TRDMT1: variants seen among roughly 807,000 people sequenced by gnomAD.
The protein encoded by TRDMT1 is tRNA (cytosine(38)-C(5))-methyltransferase.
In TRDMT1, 49 loss-of-function variants were observed where a neutral mutation model predicts 51.2. The ratio of observed to expected loss-of-function variants is 0.96; its 90% confidence interval spans 0.76 to 1.21. TRDMT1 has a LOEUF of 1.21. Ranked by LOEUF, TRDMT1 falls within the 50% of genes most tolerant of loss-of-function variation. TRDMT1 has a pLI of 0.00. For synonymous variants in TRDMT1, 187 were observed against 164.6 expected (o/e 1.14, Z -1.04); for missense variants, 534 against 462.3 (o/e 1.16, Z -1.42).
intron 1 of TRDMT1, among the ~76,000 whole-genome samples, chr10:17,195,440 C>A (rs991585158): frequency 6.6e-6 from 1 of 152,030 alleles, no homozygotes. Flanking sequence ...ACAATAGACA[C>A]CGGGGACTAC....
At chr10:17,156,375 C>A (rs1419492461) in intron 8 of TRDMT1, among the ~76,000 whole-genome samples, 1 of 152,002 alleles carries the variant, frequency 6.6e-6, no homozygotes, top group Admixed American at 6.6e-5. Context: ...GCTGGGAATG[C>A]AGGCACCCAC....
intron 8 of TRDMT1, 26 bp from the exon 9 acceptor site, chr10:17,154,760 C>T: frequency 6.3e-7 from 1 of 1,588,940 alleles, no homozygotes; most frequent in Non-Finnish European, 8.6e-7. Flanking sequence ...AACAATTATG[C>T]AGCACCTGAT....
At chr10:17,155,399 T>C (rs899179021) in intron 8 of TRDMT1, among the ~76,000 whole-genome samples, 2 of 152,172 alleles carry the variant, frequency 1.3e-5, no homozygotes, top group Non-Finnish European at 2.9e-5. Flanking sequence ...TTGGCTCCCT[T>C]GCCACATTAA....
chr10:17,179,208 T>C (rs1428193660), intron 1 of TRDMT1, among the ~76,000 whole-genome samples: 1 of 152,182 alleles, frequency 6.6e-6, no homozygotes, highest in Non-Finnish European at 1.5e-5. Flanking sequence ...TAAAGTCATG[T>C]TGATGTCATG....
At position 17,199,649 on chromosome 10, in the gene TRDMT1, T is replaced by C. The variant is rs116052168; in HGVS notation, c.64+1922A>G. Among the ~76,000 whole-genome samples the C allele has an allele frequency of 2.4e-3, 360 of 152,326 alleles. 2 individuals carry two copies. Among genetic ancestry groups the C allele is most frequent in the African/African-American group, 8.2e-3 (342 of 41,570 alleles). ...ACTCACAAGCCTGTTAAGATGGGACTGTGATTACAATCTCAAAAGCAACCA... is the reference window on the plus strand; with the variant it reads ...ACTCACAAGCCTGTTAAGATGGGACCGTGATTACAATCTCAAAAGCAACCA... On this transcript the variant is annotated intron_variant, in intron 1 of 10. Coordinates refer to ENST00000377799, the MANE Select transcript of TRDMT1 (RefSeq NM_004412.7).
At position 17,148,847 on chromosome 10, in the gene TRDMT1, G is replaced by A. The variant is rs557007108; in HGVS notation, c.*193C>T. On this transcript the variant is annotated 3_prime_UTR_variant, in exon 11 of 11. Coordinates refer to ENST00000377799, the MANE Select transcript of TRDMT1 (RefSeq NM_004412.7). ...TCTCCATAAAGCATAACAATAGTTCGTATTTTATAAAATACAGTAATATAA... is the reference window on the plus strand; with the variant it reads ...TCTCCATAAAGCATAACAATAGTTCATATTTTATAAAATACAGTAATATAA... 3.1e-5 allele frequency: 37 copies of A among 1,178,750 alleles called. No individual in the cohort carries two copies. Among genetic ancestry groups the A allele is most frequent in the African/African-American group, 2.2e-4 (14 of 63,524 alleles). 73.0% of individuals were successfully genotyped at this position (1,178,750 alleles called of 1,614,324 possible).
At chr10:17,186,831 G>A (rs1844000916) in intron 1 of TRDMT1, among the ~76,000 whole-genome samples, 1 of 152,102 alleles carries the variant, frequency 6.6e-6, no homozygotes, top group Admixed American at 6.5e-5. Flanking sequence ...TTCATAAAGT[G>A]GAGTATGATA....
chr10:17,143,165 G>A lies in TRDMT1; in HGVS notation c.*5875C>T. The A allele has an allele frequency of 1.0e-6, 1 of 985,424 alleles. No individual in the cohort carries two copies. The highest frequency in any genetic ancestry group is 1.2e-6 in the Non-Finnish European group (1 of 829,930). 61.0% of individuals were successfully genotyped at this position (985,424 alleles called of 1,614,324 possible). A position where few individuals can be genotyped will look rare whatever the true frequency, so the allele number is the denominator to read the frequency against. ...AGAGAACAACTTAAAGACATTGTTTGAACTCCACAGTGTGGTGCTTTCTAT... is the reference window on the plus strand; with the variant it reads ...AGAGAACAACTTAAAGACATTGTTTAAACTCCACAGTGTGGTGCTTTCTAT... On this transcript the variant is annotated 3_prime_UTR_variant, in exon 11 of 11. Coordinates refer to ENST00000377799, the MANE Select transcript of TRDMT1 (RefSeq NM_004412.7).
chr10:17,170,667 C>T (rs1235483055), intron 2 of TRDMT1, among the ~76,000 whole-genome samples: 5 of 152,174 alleles, frequency 3.3e-5, no homozygotes, highest in Non-Finnish European at 7.3e-5. Flanking sequence ...AATATTTTTA[C>T]AATATTCAGC....
rs1210930005 is a variant in TRDMT1 at position 17,137,853 on chromosome 10, G to T, written c.*11187C>A. Among the ~76,000 whole-genome samples the T allele has an allele frequency of 6.6e-6, 1 of 152,014 alleles. No homozygotes were observed. Among genetic ancestry groups the T allele is most frequent in the South Asian group, 2.1e-4 (1 of 4,812 alleles). The stretch of plus-strand genomic sequence containing the variant: ...AAAAAAAAAAGAAAAAAAAAAAAAG[G>T]TTGTTCCACTTGTCCAGCAGGGTGA... On this transcript the variant is annotated 3_prime_UTR_variant, in exon 11 of 11. Coordinates refer to ENST00000377799, the MANE Select transcript of TRDMT1 (RefSeq NM_004412.7).
In TRDMT1 at chr10:17,149,002, G is replaced by A. The variant is rs1487690150; in HGVS notation, c.*38C>T. 6.5e-7 allele frequency: 1 copy of A among 1,527,932 alleles called. No individual in the cohort carries two copies. Among genetic ancestry groups the A allele is most frequent in the South Asian group, 1.3e-5 (1 of 78,420 alleles). The allele number at this position is 1,527,932 out of a possible 1,614,324, so 94.6% of individuals were successfully genotyped here. On this transcript the variant is annotated 3_prime_UTR_variant, in exon 11 of 11. Transcript: ENST00000377799. ...TTCAGAATTACTCTCTGAAAATGAA[G>A]GAATATCATATGACCATCTTTCAGA...
At chr10:17,149,611 CA>C (rs921650472) in intron 10 of TRDMT1, among the ~76,000 whole-genome samples, 18 of 151,546 alleles carry the variant, frequency 1.2e-4, no homozygotes, top group African/African-American at 3.4e-4. Flanking sequence ...TTCATTTCTT[CA>C]AAAAAAAATT....
intron 1 of TRDMT1, among the ~76,000 whole-genome samples, chr10:17,187,152 C>G (rs1261649086): frequency 2.0e-5 from 3 of 152,096 alleles, no homozygotes; most frequent in Non-Finnish European, 2.9e-5. Context: ...CCATACAACA[C>G]AGTAAGCAAC....
rs1838323574 is a variant in TRDMT1, at chr10:17,148,679, T to C, written c.*361A>G. 1 of 973,544 alleles carries C rather than the reference T, an allele frequency of 1.0e-6. No homozygotes were observed. Among genetic ancestry groups the C allele is most frequent in the Non-Finnish European group, 1.2e-6 (1 of 818,700 alleles). The allele number at this position is 973,544 out of a possible 1,614,324, so 60.3% of individuals were successfully genotyped here. ...AAATAAAAAACTTCTTTAATTAACA[T>C]AAAAATATGTTATGCCTGTTATGAC... On this transcript the variant is annotated 3_prime_UTR_variant, in exon 11 of 11. Coordinates refer to ENST00000377799, the MANE Select transcript of TRDMT1 (RefSeq NM_004412.7).
rs556685625 is a variant in TRDMT1 at position 17,151,540 on chromosome 10, C to T, written c.1075+1967G>A. 467 of 985,262 alleles carry T rather than the reference C, an allele frequency of 4.7e-4. 2 individuals carry two copies. Among genetic ancestry groups the T allele is most frequent in the Non-Finnish European group, 5.3e-4 (442 of 829,958 alleles). The allele number at this position is 985,262 out of a possible 1,614,324, so 61.0% of individuals were successfully genotyped here. A position where few individuals can be genotyped will look rare whatever the true frequency, so the allele number is the denominator to read the frequency against. ...ACACACATGAGGGACAGTTGTGTCACGGTGCTGCTCAGTGGTGACATCAGG... is the reference window on the plus strand; with the variant it reads ...ACACACATGAGGGACAGTTGTGTCATGGTGCTGCTCAGTGGTGACATCAGG... On this transcript the variant is annotated intron_variant, in intron 10 of 10. Transcript: ENST00000377799.
intron 2 of TRDMT1, among the ~76,000 whole-genome samples, 162 bp downstream of exon 2, chr10:17,174,389 C>T (rs1842397227): frequency 6.6e-6 from 1 of 152,138 alleles, no homozygotes; most frequent in Non-Finnish European, 1.5e-5. Context: ...TAAAAGCATG[C>T]TATCTTCTGA....
chr10:17,200,649 C>T (rs1042984092), intron 1 of TRDMT1: 3 of 162,788 alleles, frequency 1.8e-5, no homozygotes, highest in Non-Finnish European at 1.5e-5. Flanking sequence ...CAGCTCCTAG[C>T]ACAAAATCTG....
chr10:17,161,905 C>A (rs935719462), intron 4 of TRDMT1, among the ~76,000 whole-genome samples: 3 of 152,222 alleles, frequency 2.0e-5, no homozygotes, highest in Admixed American at 1.3e-4. Context: ...TTAGCACCAT[C>A]TGCATCAACA....
At chr10:17,173,650 A>AG (rs1273361872) in intron 2 of TRDMT1, among the ~76,000 whole-genome samples, 1 of 152,002 alleles carries the variant, frequency 6.6e-6, no homozygotes, top group Non-Finnish European at 1.5e-5. Flanking sequence ...TCGAAACTCA[A>AG]ACTGCCCACT....
Sources: gnomAD v4.1 joint callset for allele counts (sites outside exome capture counted in the v4.1 genomes callset) on GRCh38, gnomAD v4.1.1 for gene constraint, MANE v1.5 for transcripts, NCBI Gene and HGNC (gene_info 2026-07-23, HGNC 2026-07-21) for gene names.